TCF7L1: variants seen among roughly 807,000 people sequenced by gnomAD.
The protein encoded by TCF7L1 is transcription factor 7 like 1, also known as transcription factor 7-like 1.
A neutral mutation model predicts 63.7 loss-of-function variants in TCF7L1; 18 were observed. That is an observed-to-expected ratio of 0.28 (90% CI 0.20 to 0.42). TCF7L1 has a LOEUF of 0.42. Ranked by LOEUF, TCF7L1 falls within the 10% of genes least tolerant of loss-of-function variation. The pLI, the probability that TCF7L1 is intolerant of heterozygous loss-of-function variation, is 1.00. For synonymous variants in TCF7L1, 355 were observed against 340.9 expected (o/e 1.04, Z -0.46); for missense variants, 654 against 779.3 (o/e 0.84, Z 1.91).
intron 3 of TCF7L1, among the ~76,000 whole-genome samples, chr2:85,269,959 G>A (rs973933724): frequency 1.6e-4 from 25 of 152,250 alleles, no homozygotes; most frequent in Middle Eastern, 3.4e-3. Context: ...CTGTGGGGTC[G>A]GAGAGCTCTC....
rs559388695 is a variant in TCF7L1, at chr2:85,254,140, A to G, written c.442-29355A>G. ...CCTTATTTGAGGCTGCTCTCGCATCATCTCATTAGGGATAATCATTTGTAG... is the reference window on the plus strand; with the variant it reads ...CCTTATTTGAGGCTGCTCTCGCATCGTCTCATTAGGGATAATCATTTGTAG... On this transcript the variant is annotated intron_variant, in intron 3 of 11. Coordinates refer to ENST00000282111, the MANE Select transcript of TCF7L1 (RefSeq NM_031283.3). Among the ~76,000 whole-genome samples the G allele has an allele frequency of 2.7e-4, 41 of 152,376 alleles. No individual in the cohort carries two copies. The South Asian group carries it at 8.5e-3, about 32-fold the overall frequency.
intron 3 of TCF7L1, among the ~76,000 whole-genome samples, chr2:85,156,963 G>A (rs1235724903): frequency 1.3e-5 from 2 of 152,212 alleles, no homozygotes; most frequent in Admixed American, 1.3e-4. Flanking sequence ...GTAAAGGTCA[G>A]GGATGTTGCT....
intron 4 of TCF7L1, among the ~76,000 whole-genome samples, chr2:85,287,530 C>T (rs1681591701): frequency 1.3e-5 from 2 of 152,060 alleles, no homozygotes; most frequent in Admixed American, 1.3e-4. Context: ...AGCAGGGGTC[C>T]CTTATTTTGT....
intron 3 of TCF7L1, among the ~76,000 whole-genome samples, chr2:85,167,958 G>A (rs1307370700): frequency 6.6e-6 from 1 of 152,130 alleles, no homozygotes; most frequent in Non-Finnish European, 1.5e-5. Context: ...GCTAGTCACA[G>A]GACAAATATT....
chr2:85,290,912 T>C (rs1681698373), intron 4 of TCF7L1, among the ~76,000 whole-genome samples: 2 of 152,254 alleles, frequency 1.3e-5, no homozygotes, highest in African/African-American at 4.8e-5. Context: ...AGCTGGGAGC[T>C]GTGCCCCTGA....
chr2:85,162,187 AT>A (rs1382758524), intron 3 of TCF7L1, among the ~76,000 whole-genome samples: 1 of 152,066 alleles, frequency 6.6e-6, no homozygotes, highest in Non-Finnish European at 1.5e-5. Context: ...GTGAAGTATG[AT>A]TACGCCACTG....
At chr2:85,270,463 A>G (rs1681123967) in intron 3 of TCF7L1, among the ~76,000 whole-genome samples, 1 of 152,210 alleles carries the variant, frequency 6.6e-6, no homozygotes, top group South Asian at 2.1e-4. Flanking sequence ...GAACATCTGT[A>G]TCTACCTCCT....
At chr2:85,231,914 G>A (rs193092070) in intron 3 of TCF7L1, among the ~76,000 whole-genome samples, 3 of 152,216 alleles carry the variant, frequency 2.0e-5, no homozygotes, top group East Asian at 1.9e-4. Context: ...CTGTGCCTCC[G>A]TTTCTTCATC....
intron 4 of TCF7L1, among the ~76,000 whole-genome samples, chr2:85,286,075 C>G (rs1158879289): frequency 6.6e-6 from 1 of 151,572 alleles, no homozygotes; most frequent in Non-Finnish European, 1.5e-5. Flanking sequence ...CCTGTAATCT[C>G]AACTACTCAG....
At chr2:85,199,111 C>T (rs927117194) in intron 3 of TCF7L1, among the ~76,000 whole-genome samples, 3 of 152,216 alleles carry the variant, frequency 2.0e-5, no homozygotes, top group African/African-American at 7.2e-5. Context: ...AAGATGCTGC[C>T]TGTCCTACCA....
At chr2:85,259,765 C>T (rs1573014166) in intron 3 of TCF7L1, among the ~76,000 whole-genome samples, 1 of 152,028 alleles carries the variant, frequency 6.6e-6, no homozygotes, top group South Asian at 2.1e-4. Flanking sequence ...TGGCTTGATT[C>T]ATTTTTTTCT....
At chr2:85,199,011 C>T (rs1679217809) in intron 3 of TCF7L1, among the ~76,000 whole-genome samples, 1 of 152,166 alleles carries the variant, frequency 6.6e-6, no homozygotes. Flanking sequence ...GGAGGAGGCT[C>T]CATTTCATCA....
At chr2:85,239,863 T>C (rs1435493930) in intron 3 of TCF7L1, among the ~76,000 whole-genome samples, 1 of 149,514 alleles carries the variant, frequency 6.7e-6, no homozygotes, top group Admixed American at 6.7e-5. Flanking sequence ...GGAGAATCAC[T>C]TGAACCTGGG....
chr2:85,158,584 AAAATC>A (rs1482754111), intron 3 of TCF7L1, among the ~76,000 whole-genome samples: 2 of 152,260 alleles, frequency 1.3e-5, no homozygotes, highest in Non-Finnish European at 2.9e-5. Context: ...CTCTATTGCC[AAAATC>A]ATGATAGCTC....
chr2:85,134,659 T>C lies in TCF7L1; in HGVS notation c.441+209T>C, dbSNP rs1274975959. 6.6e-6 allele frequency among the ~76,000 whole-genome samples: 1 copy of C among 152,246 alleles called. No individual in the cohort carries two copies. Among genetic ancestry groups the C allele is most frequent in the Non-Finnish European group, 1.5e-5 (1 of 68,046 alleles). Reference sequence around the variant, plus strand: ...AGTAAAGTTACTTTAACTTTTCCCCTCTTGCGGGTTGAGGTTTTGGAGTCC... The same window carrying C: ...AGTAAAGTTACTTTAACTTTTCCCCCCTTGCGGGTTGAGGTTTTGGAGTCC... On this transcript the variant is annotated intron_variant, in intron 3 of 11. Transcript: ENST00000282111. This position sits in a 1 kb window ranked among gnomAD's most constrained non-coding sequence, Gnocchi z 5.0.
intron 3 of TCF7L1, among the ~76,000 whole-genome samples, chr2:85,269,481 A>G (rs1339055036): frequency 6.6e-6 from 1 of 152,132 alleles, no homozygotes; most frequent in Non-Finnish European, 1.5e-5. Flanking sequence ...CTATATATAC[A>G]TTTTTGTTTT....
At chr2:85,147,804 C>T (rs540608329) in intron 3 of TCF7L1, among the ~76,000 whole-genome samples, 1 of 152,282 alleles carries the variant, frequency 6.6e-6, no homozygotes, top group South Asian at 2.1e-4. Flanking sequence ...ACCAGCCCCA[C>T]ATCCTCGTGC....
In TCF7L1 at chr2:85,248,000, G is replaced by A. The variant is rs924510765; in HGVS notation, c.442-35495G>A. On this transcript the variant is annotated intron_variant, in intron 3 of 11. Transcript: ENST00000282111. The stretch of plus-strand genomic sequence containing the variant: ...AGATGTGAAAAGACTCCTTGTGGCC[G>A]GTAGTGTTCGGTTCTGTTAGCTCCA... Among the ~76,000 whole-genome samples the A allele has an allele frequency of 3.3e-5, 5 of 152,124 alleles. No individual in the cohort carries two copies. The East Asian group carries it at 7.7e-4, about 23-fold the overall frequency.
At chr2:85,183,032 G>C (rs1245718229) in intron 3 of TCF7L1, among the ~76,000 whole-genome samples, 2 of 152,178 alleles carry the variant, frequency 1.3e-5, no homozygotes, top group African/African-American at 4.8e-5. Context: ...AGGGGTGAGA[G>C]AGCAGAAGTC....
Sources: allele counts gnomAD v4.1 joint callset (sites outside exome capture counted in the v4.1 genomes callset), GRCh38; gene constraint gnomAD v4.1.1; non-coding constraint Gnocchi (gnomAD v3.1); transcripts MANE v1.5; gene names NCBI Gene and HGNC (gene_info 2026-07-23, HGNC 2026-07-21).